MACROD2: variants seen among roughly 807,000 people sequenced by gnomAD.
The protein encoded by MACROD2 is ADP-ribose glycohydrolase MACROD2.
In MACROD2, 36 loss-of-function variants were observed where a neutral mutation model predicts 70.4. The ratio of observed to expected loss-of-function variants is 0.51; its 90% confidence interval spans 0.39 to 0.68. The LOEUF is 0.68. Ranked by LOEUF, MACROD2 falls within the 30% of genes least tolerant of loss-of-function variation. MACROD2 has a pLI of 0.00. For missense variants in MACROD2, 496 were observed against 538.4 expected (o/e 0.92, Z 0.78); for synonymous variants, 172 against 178.8 (o/e 0.96, Z 0.30).
intron 3 of MACROD2, among the ~76,000 whole-genome samples, chr20:14,151,811 CTTTTTTTTTTTTTTTT>C (rs144065987): frequency 1.7e-5 from 1 of 59,190 alleles, no homozygotes; most frequent in Non-Finnish European, 3.0e-5. Flanking sequence ...TGTATTGTAT[CTTTTTTTTTTTTTTTT>C]TTTTTTTTTT....
intron 15 of MACROD2, among the ~76,000 whole-genome samples, chr20:15,997,606 G>C (rs1243833915): frequency 1.3e-5 from 2 of 152,082 alleles, no homozygotes; most frequent in Admixed American, 6.5e-5. Context: ...GTGTCTGTAA[G>C]GTTTTTAATA....
chr20:15,715,924 C>A (rs931398587), intron 8 of MACROD2, among the ~76,000 whole-genome samples: 3 of 152,102 alleles, frequency 2.0e-5, no homozygotes, highest in African/African-American at 7.2e-5. Context: ...GCTTGCCATG[C>A]ATATAGTGAT....
intron 4 of MACROD2, among the ~76,000 whole-genome samples, chr20:14,575,333 A>G (rs915208014): frequency 6.6e-6 from 1 of 152,212 alleles, no homozygotes; most frequent in Non-Finnish European, 1.5e-5. Context: ...CTGGCTTAAT[A>G]AAAGACAGTT....
chr20:15,734,451 A>G (rs531774165), intron 8 of MACROD2, among the ~76,000 whole-genome samples: 17 of 152,330 alleles, frequency 1.1e-4, no homozygotes, highest in African/African-American at 3.6e-4. Flanking sequence ...GCCAGTCTCC[A>G]GTTTCCTCTA....
chr20:15,002,811 T>G (rs972314276), intron 5 of MACROD2, among the ~76,000 whole-genome samples: 1 of 152,208 alleles, frequency 6.6e-6, no homozygotes, highest in Non-Finnish European at 1.5e-5. Flanking sequence ...TCCAGCTGAT[T>G]GTAGCCATAC....
intron 15 of MACROD2, among the ~76,000 whole-genome samples, chr20:16,030,222 A>C (rs2067134645): frequency 6.6e-6 from 1 of 152,218 alleles, no homozygotes; most frequent in African/African-American, 2.4e-5. Context: ...CCAAGATGGC[A>C]ACTGTGCAGA....
intron 13 of MACROD2, among the ~76,000 whole-genome samples, chr20:15,978,378 A>G (rs2066341582): frequency 6.6e-6 from 1 of 152,154 alleles, no homozygotes; most frequent in African/African-American, 2.4e-5. Flanking sequence ...GTCATGAGAA[A>G]CGTGGATAAA....
intron 5 of MACROD2, among the ~76,000 whole-genome samples, chr20:14,880,520 C>T (rs1371604448): frequency 6.6e-6 from 1 of 152,128 alleles, no homozygotes; most frequent in Non-Finnish European, 1.5e-5. Flanking sequence ...ATGAACTGTA[C>T]CTAATTGCAT....
At chr20:14,493,563 C>A in intron 4 of MACROD2, 55 bp downstream of exon 4, 1 of 1,414,132 alleles carries the variant, frequency 7.1e-7, no homozygotes, top group Non-Finnish European at 1.0e-6. Flanking sequence ...ATACCAACTA[C>A]AAGATATTTA....
intron 8 of MACROD2, among the ~76,000 whole-genome samples, chr20:15,638,307 A>G (rs1358304043): frequency 6.6e-6 from 1 of 152,190 alleles, no homozygotes; most frequent in Non-Finnish European, 1.5e-5. Context: ...AAATATCTCA[A>G]TAGAAATGGA....
chr20:14,783,113 A>T (rs1399526628), intron 5 of MACROD2, among the ~76,000 whole-genome samples: 1 of 152,140 alleles, frequency 6.6e-6, no homozygotes, highest in Non-Finnish European at 1.5e-5. Context: ...ATTCAACACT[A>T]CTACTTTTCC....
chr20:15,410,479 A>T (rs2046061922), intron 6 of MACROD2, among the ~76,000 whole-genome samples: 1 of 152,060 alleles, frequency 6.6e-6, no homozygotes, highest in African/African-American at 2.4e-5. Context: ...CTCCTTTGTT[A>T]CTTTGTTTCT....
chr20:14,876,907 A>G (rs6105335), intron 5 of MACROD2, among the ~76,000 whole-genome samples: 138,165 of 152,192 alleles, frequency 0.91, 62,893 homozygotes, highest in East Asian at 1. Context: ...GATGCCTCTG[A>G]CTTTGTTCTT....
Position 14,700,049 on chromosome 20 carries a change from CTAGAAGTTTAAAGTT to C in MACROD2, c.418+15093_418+15107del, listed in dbSNP as rs1568745728. Among the ~76,000 whole-genome samples the C allele has an allele frequency of 6.3e-4, 95 of 151,630 alleles. 1 individual carries two copies. Among genetic ancestry groups the C allele is most frequent in the African/African-American group, 2.1e-3 (88 of 41,326 alleles). ...GAAGTTTAAAGTTTAAAGTTTAAAT[CTAGAAGTTTAAAGTT>C]TAAATCTAGAAATTTAAAGTTTAAA... On this transcript the variant is annotated intron_variant, in intron 5 of 17. Transcript: ENST00000684519.
At chr20:14,127,353 C>T in intron 3 of MACROD2, 1 of 346,480 alleles carries the variant, frequency 2.9e-6, no homozygotes, top group Non-Finnish European at 5.4e-6. Flanking sequence ...AGGTAGCTGT[C>T]CCTACTTGCT....
chr20:14,739,040 T>C (rs964273969), intron 5 of MACROD2, among the ~76,000 whole-genome samples: 2 of 152,152 alleles, frequency 1.3e-5, no homozygotes, highest in South Asian at 2.1e-4. Flanking sequence ...TTCAATTCCA[T>C]AGAGGAATGA....
intron 5 of MACROD2, among the ~76,000 whole-genome samples, chr20:14,782,961 C>T (rs2072320745): frequency 6.6e-6 from 1 of 152,066 alleles, no homozygotes; most frequent in South Asian, 2.1e-4. Flanking sequence ...GCAAACAAAC[C>T]CTTCAGCTTC....
At chr20:15,286,781 T>G (rs564939042) in intron 6 of MACROD2, among the ~76,000 whole-genome samples, 2 of 152,348 alleles carry the variant, frequency 1.3e-5, no homozygotes, top group East Asian at 3.9e-4. Context: ...ATCTGGATTC[T>G]GGTGGCCCAG....
intron 15 of MACROD2, among the ~76,000 whole-genome samples, chr20:15,991,619 T>A (rs1407249139): frequency 1.3e-5 from 2 of 152,222 alleles, no homozygotes; most frequent in African/African-American, 4.8e-5. Context: ...CTATATACAC[T>A]TGCATGTTGA....
Sources: allele counts gnomAD v4.1 joint callset (sites outside exome capture counted in the v4.1 genomes callset), GRCh38; gene constraint gnomAD v4.1.1; transcripts MANE v1.5; gene names NCBI Gene and HGNC (gene_info 2026-07-23, HGNC 2026-07-21).